The following ACSM3 variants were observed in gnomAD, a reference collection of about 807,000 sequenced individuals.
ACSM3 encodes acyl-CoA synthetase medium chain family member 3, also known as acyl-coenzyme A synthetase ACSM3, mitochondrial.
ACSM3 carries 61 observed loss-of-function variants against 74.1 expected under a neutral mutation model. The ratio of observed to expected loss-of-function variants is 0.82; its 90% CI spans 0.67 to 1.02. The LOEUF (loss-of-function observed/expected upper bound fraction) is 1.02. Among genes scored for constraint, ACSM3 ranks in the 50% least tolerant of loss-of-function variants. The probability of loss-of-function intolerance (pLI) is 0.00; values close to 1 mark genes in which losing one functional copy is unlikely to be tolerated. For synonymous variants in ACSM3, 213 were observed against 241.5 expected (o/e 0.88, Z 1.09); for missense variants, 660 against 697.0 (o/e 0.95, Z 0.60).
intron 1 of ACSM3, among the ~76,000 whole-genome samples, chr16:20,732,161 A>G (rs941131150): frequency 5.9e-5 from 9 of 152,198 alleles, no homozygotes; most frequent in Admixed American, 2.6e-4. Flanking sequence ...AGAAACCATG[A>G]AATCTTTCCT....
At chr16:20,716,077 C>G (rs2079760639) in intron 1 of ACSM3, among the ~76,000 whole-genome samples, 1 of 152,144 alleles carries the variant, frequency 6.6e-6, no homozygotes. Context: ...TATGAACCTT[C>G]TTGAGGCCTA....
At chr16:20,717,886 G>A (rs1029856334) in intron 1 of ACSM3, among the ~76,000 whole-genome samples, 8 of 147,184 alleles carry the variant, frequency 5.4e-5, no homozygotes, top group Non-Finnish European at 1.0e-4. Flanking sequence ...GAAGGAGAAG[G>A]GGAAGAAGGA....
intron 1 of ACSM3, among the ~76,000 whole-genome samples, chr16:20,700,180 T>A (rs534512119): frequency 1.3e-5 from 2 of 152,204 alleles, no homozygotes; most frequent in African/African-American, 4.8e-5. Context: ...TTGAACTTGC[T>A]ATCGTCTGCT....
chr16:20,796,073 A>G lies in ACSM3; in HGVS notation c.1555-297A>G, dbSNP rs2080716322. Reference sequence around the variant, plus strand: ...TATAAAGACTGCATGTTCTCTGTGAACTGTTCCCTTCAACAAAGACATGGC... The same window carrying G: ...TATAAAGACTGCATGTTCTCTGTGAGCTGTTCCCTTCAACAAAGACATGGC... On this transcript the variant is annotated intron_variant, in intron 12 of 13. Coordinates refer to ENST00000289416, the MANE Select transcript of ACSM3 (RefSeq NM_005622.4). 1.0e-5 allele frequency: 3 copies of G among 288,048 alleles called. No individual in the cohort carries two copies. The South Asian group carries it at 2.0e-4, about 20-fold the overall frequency. 17.8% of individuals were successfully genotyped at this position (288,048 alleles called of 1,614,324 possible).
At chr16:20,796,621 G>A in intron 13 of ACSM3, 132 bp downstream of exon 13, 1 of 1,517,964 alleles carries the variant, frequency 6.6e-7, no homozygotes, top group Middle Eastern at 2.4e-4. Context: ...ATGACATATG[G>A]GTAAGAATCA....
chr16:20,796,498 C>A lies in ACSM3; in HGVS notation c.1674+9C>A, dbSNP rs762042962. On this transcript the variant is annotated intron_variant, in intron 13 of 13. Coordinates refer to ENST00000289416, the MANE Select transcript of ACSM3 (RefSeq NM_005622.4). The stretch of plus-strand genomic sequence containing the variant: ...ACAAATATCCCAGAAAGGTAGGCAT[C>A]CTAATTATAACGAATATTTGCTCAG... 1.7e-5 allele frequency: 28 copies of A among 1,610,040 alleles called. No homozygotes were observed. The highest frequency in any genetic ancestry group is 2.4e-5 in the Non-Finnish European group (28 of 1,179,178).
chr16:20,747,944 C>A (rs1299906494), intron 1 of ACSM3, among the ~76,000 whole-genome samples: 1 of 152,066 alleles, frequency 6.6e-6, no homozygotes, highest in Non-Finnish European at 1.5e-5. Context: ...AGTTCCAGAC[C>A]AACCTGGGCA....
chr16:20,682,279 C>T, intron 1 of ACSM3: 1 of 1,613,350 alleles, frequency 6.2e-7, no homozygotes, highest in South Asian at 1.1e-5. Context: ...GGAAGTCCAG[C>T]CACCCTTCAC....
rs151096246 is a variant in ACSM3 at position 20,691,625 on chromosome 16, G to T, written c.-190+16803G>T. Among the ~76,000 whole-genome samples the T allele has an allele frequency of 6.1e-4, 93 of 152,132 alleles. 1 individual carries two copies. Among genetic ancestry groups the T allele is most frequent in the African/African-American group, 2.1e-3 (87 of 41,490 alleles). On this transcript the variant is annotated intron_variant, in intron 1 of 3. Coordinates refer to the ACSM3 transcript ENST00000561584. ...CCTTTCTGCCAAGCCAAATCATGTT[G>T]TTGCCATGGAAGCTGTGATATCTTT...
intron 1 of ACSM3, among the ~76,000 whole-genome samples, chr16:20,726,183 A>C (rs1276809670): frequency 6.6e-6 from 1 of 152,250 alleles, no homozygotes; most frequent in East Asian, 1.9e-4. Flanking sequence ...CCCTCAAAAA[A>C]GAAAGAAAAG....
chr16:20,675,051 G>A (rs895964851), intron 1 of ACSM3, among the ~76,000 whole-genome samples: 2 of 152,192 alleles, frequency 1.3e-5, no homozygotes, highest in Non-Finnish European at 2.9e-5. Context: ...TTTGCTGGCA[G>A]AATGGTAAGA....
intron 1 of ACSM3, chr16:20,741,437 G>A (rs2152422881): frequency 6.2e-6 from 9 of 1,451,826 alleles, no homozygotes; most frequent in East Asian, 2.5e-5. Context: ...CATACCAGCA[G>A]CCATCCCTCC....
intron 1 of ACSM3, among the ~76,000 whole-genome samples, chr16:20,692,009 T>G (rs572755253): frequency 6.6e-6 from 1 of 152,290 alleles, no homozygotes; most frequent in African/African-American, 2.4e-5. Context: ...CCTCTGCATG[T>G]CTGCCCCTGT....
chr16:20,677,977 C>T (rs2079342317), intron 1 of ACSM3, among the ~76,000 whole-genome samples: 1 of 147,886 alleles, frequency 6.8e-6, no homozygotes, highest in South Asian at 2.1e-4. Flanking sequence ...AGATGCACTG[C>T]AAGGGGCACC....
At chr16:20,760,842 A>C (rs2152443898), upstream of ACSM3, among the ~76,000 whole-genome samples, 1 of 152,244 alleles carries the variant, frequency 6.6e-6, no homozygotes, top group Middle Eastern at 3.4e-3. Context: ...ATACCTTTTA[A>C]CGTCTAATAA....
At chr16:20,685,405 T>TG (rs1438559765) in intron 1 of ACSM3, 1 of 1,613,564 alleles carries the variant, frequency 6.2e-7, no homozygotes, top group Non-Finnish European at 8.5e-7. Flanking sequence ...CTTGCCCTCC[T>TG]GGTCAAGACC....
intron 1 of ACSM3, among the ~76,000 whole-genome samples, chr16:20,708,206 C>T (rs2079733258): frequency 1.3e-5 from 2 of 152,110 alleles, no homozygotes; most frequent in Non-Finnish European, 2.9e-5. Context: ...GAGGCTGAGA[C>T]AGGAGAATTG....
rs759181306 is a variant in ACSM3 at position 20,790,942 on chromosome 16, G to A, written c.1326+254G>A. The A allele has an allele frequency of 5.6e-6, 9 of 1,613,274 alleles. No individual in the cohort carries two copies. The East Asian group carries it at 6.7e-5, about 12-fold the overall frequency. ...GCAAGAGGAAGGGACCCTAGAAAGA[G>A]GACAGCCTCTTAACATCCCCTGATC... On this transcript the variant is annotated intron_variant, in intron 10 of 13. Coordinates refer to ENST00000289416, the MANE Select transcript of ACSM3 (RefSeq NM_005622.4). This position sits in a 1 kb window ranked among gnomAD's most constrained non-coding sequence, Gnocchi z 4.0.
chr16:20,790,387 C>T lies in ACSM3; in HGVS notation c.1225-200C>T, dbSNP rs1596537054. On this transcript the variant is annotated intron_variant, in intron 9 of 13. Transcript: ENST00000289416. This position sits in a 1 kb window ranked among gnomAD's most constrained non-coding sequence, Gnocchi z 4.0. ...ACTGTTTGAGACCAGAAGTTTGACGCTGCAGTGAGCTATGAGCTATGATTG... is the reference window on the plus strand; with the variant it reads ...ACTGTTTGAGACCAGAAGTTTGACGTTGCAGTGAGCTATGAGCTATGATTG... Among the ~76,000 whole-genome samples the T allele has an allele frequency of 1.3e-5, 2 of 152,190 alleles. No individual in the cohort carries two copies. Among genetic ancestry groups the T allele is most frequent in the Non-Finnish European group, 2.9e-5 (2 of 68,038 alleles).
Sources: gnomAD v4.1 joint callset for allele counts (sites outside exome capture counted in the v4.1 genomes callset) on GRCh38, gnomAD v4.1.1 for gene constraint, Gnocchi (gnomAD v3.1) non-coding constraint, MANE v1.5 for transcripts, NCBI Gene and HGNC (gene_info 2026-07-23, HGNC 2026-07-21) for gene names.